DGKB: variants seen among roughly 807,000 people sequenced by gnomAD.
DGKB encodes 90 kDa diacylglycerol kinase.
DGKB carries 67 observed loss-of-function variants against 114.3 expected under a neutral mutation model. The observed-to-expected ratio is 0.59, with a 90% CI of 0.48 to 0.72. The LOEUF (loss-of-function observed/expected upper bound fraction) is 0.72, where lower values mean the gene tolerates loss of function less well. Ranked by LOEUF, DGKB falls within the 30% of genes least tolerant of loss-of-function variation. The pLI, the probability that DGKB is intolerant of heterozygous loss-of-function variation, is 0.00. For missense variants in DGKB, 907 were observed against 975.2 expected, an observed-to-expected ratio of 0.93 and a Z score of 0.93; for synonymous variants, 398 against 323.1, an observed-to-expected ratio of 1.23 and a Z score of -2.49.
chr7:14,172,010 C>T lies in DGKB; in HGVS notation c.2304+4829G>A, dbSNP rs1428887770. Among the ~76,000 whole-genome samples, 3 of 151,982 alleles carry T rather than the reference C, an allele frequency of 2.0e-5. No homozygotes were observed. The East Asian group carries it at 5.8e-4, about 29-fold the overall frequency. ...ATAAAACTGAAACACTGAGGCTGAG[C>T]TTTTAGGCTATTTGGAGAAAAAGGA... On this transcript the variant is annotated intron_variant, in intron 25 of 25. Transcript: ENST00000402815.
At chr7:14,569,637 T>TA (rs1798083592) in intron 20 of DGKB, among the ~76,000 whole-genome samples, 1 of 152,164 alleles carries the variant, frequency 6.6e-6, no homozygotes, top group South Asian at 2.1e-4. Flanking sequence ...ACCATTCTGT[T>TA]ATAATTATCC....
chr7:14,889,462 A>G (rs1487512549), intron 1 of DGKB, among the ~76,000 whole-genome samples: 1 of 151,566 alleles, frequency 6.6e-6, no homozygotes, highest in Non-Finnish European at 1.5e-5. Flanking sequence ...GACCATCTAA[A>G]CTTCCAGTGT....
At chr7:14,295,884 G>C (rs1414659119) in intron 23 of DGKB, among the ~76,000 whole-genome samples, 2 of 151,920 alleles carry the variant, frequency 1.3e-5, no homozygotes, top group Non-Finnish European at 2.9e-5. Context: ...GCCCCAGTGT[G>C]TGTGATATTC....
intron 21 of DGKB, among the ~76,000 whole-genome samples, chr7:14,346,617 T>G (rs1812525394): frequency 6.6e-6 from 1 of 151,938 alleles, no homozygotes; most frequent in Non-Finnish European, 1.5e-5. Context: ...TTCATATATG[T>G]GAGCAGATAT....
chr7:14,633,130 C>A (rs756285658), intron 13 of DGKB, among the ~76,000 whole-genome samples: 3 of 151,896 alleles, frequency 2.0e-5, no homozygotes, highest in Non-Finnish European at 2.9e-5. Flanking sequence ...CTTCCTCTTT[C>A]TCAGAGCAGC....
intron 21 of DGKB, among the ~76,000 whole-genome samples, chr7:14,398,755 G>A (rs1822635452): frequency 6.6e-6 from 1 of 151,020 alleles, no homozygotes; most frequent in Non-Finnish European, 1.5e-5. Flanking sequence ...CATCTATGAA[G>A]TAATATGAGC....
chr7:14,249,143 C>T (rs1015278139), intron 23 of DGKB, among the ~76,000 whole-genome samples: 1 of 152,136 alleles, frequency 6.6e-6, no homozygotes, highest in African/African-American at 2.4e-5. Context: ...TGGTATATCA[C>T]ACTTATTGAT....
intron 21 of DGKB, among the ~76,000 whole-genome samples, chr7:14,352,909 G>A (rs2128610633): frequency 6.6e-6 from 1 of 151,934 alleles, no homozygotes; most frequent in South Asian, 2.1e-4. Context: ...GGCAACAAGA[G>A]CGAAACTCTG....
intron 23 of DGKB, among the ~76,000 whole-genome samples, chr7:14,277,724 G>A (rs1283302836): frequency 6.6e-6 from 1 of 152,198 alleles, no homozygotes; most frequent in Non-Finnish European, 1.5e-5. Flanking sequence ...CAATGAACAT[G>A]AGGATGCAGA....
chr7:14,752,205 T>G (rs1723233), intron 4 of DGKB, among the ~76,000 whole-genome samples: 54,137 of 152,020 alleles, frequency 0.36, 13,336 homozygotes, highest in African/African-American at 0.69. Flanking sequence ...AATTATAGAT[T>G]ACAGTAAAAA....
intron 25 of DGKB, among the ~76,000 whole-genome samples, chr7:14,170,187 A>AGAAAGAG (rs1780764085): frequency 7.3e-6 from 1 of 136,908 alleles, no homozygotes; most frequent in African/African-American, 2.8e-5. Context: ...GAAAGAAAGA[A>AGAAAGAG]AGAAAGAAAG....
chr7:14,685,678 T>C (rs1212829920), intron 9 of DGKB, among the ~76,000 whole-genome samples: 6 of 152,140 alleles, frequency 3.9e-5, no homozygotes, highest in Non-Finnish European at 7.4e-5. Flanking sequence ...TTTAAATACT[T>C]TATCCTTAGC....
chr7:14,702,218 T>C (rs1825321127), intron 6 of DGKB, among the ~76,000 whole-genome samples: 1 of 152,110 alleles, frequency 6.6e-6, no homozygotes, highest in South Asian at 2.1e-4. Flanking sequence ...ACATATTAAC[T>C]GTGAAAGTTA....
At chr7:14,648,471 C>A (rs781452233) in intron 13 of DGKB, among the ~76,000 whole-genome samples, 5 of 151,024 alleles carry the variant, frequency 3.3e-5, no homozygotes, top group Admixed American at 6.7e-5. Context: ...ACAGAAAGGA[C>A]ATCCACACCA....
rs1789173841 is a variant in DGKB, at chr7:14,518,284, A to G, written c.1771-40059T>C. Among the ~76,000 whole-genome samples the G allele has an allele frequency of 2.0e-5, 3 of 152,090 alleles. No homozygotes were observed. The South Asian group carries it at 6.2e-4, about 32-fold the overall frequency. ...TCAAGTACGTATGAACACAGAGAAA[A>G]GAATAACAGACACTGGGAACTCTTT... On this transcript the variant is annotated intron_variant, in intron 20 of 25. Coordinates refer to ENST00000402815, the MANE Select transcript of DGKB (RefSeq NM_001350709.2).
intron 25 of DGKB, among the ~76,000 whole-genome samples, chr7:14,168,511 A>C (rs539250854): frequency 1.3e-5 from 2 of 152,240 alleles, no homozygotes; most frequent in Non-Finnish European, 2.9e-5. Context: ...CAGACTCATC[A>C]AAGTCCAACT....
intron 23 of DGKB, among the ~76,000 whole-genome samples, chr7:14,296,886 C>T (rs181816698): frequency 6.6e-6 from 1 of 151,426 alleles, no homozygotes; most frequent in Non-Finnish European, 1.5e-5. Context: ...CATTACTGAT[C>T]CCACAGAAAT....
intron 18 of DGKB, among the ~76,000 whole-genome samples, chr7:14,582,576 G>A (rs1800100719): frequency 6.6e-6 from 1 of 152,044 alleles, no homozygotes; most frequent in Non-Finnish European, 1.5e-5. Flanking sequence ...ATAGAGTTGT[G>A]AGGAATAAAC....
chr7:14,901,073 T>A lies in DGKB; in HGVS notation c.-188+1519A>T, dbSNP rs762526016. Among the ~76,000 whole-genome samples the A allele has an allele frequency of 5.0e-4, 76 of 152,130 alleles. 2 individuals carry two copies. The highest frequency in any genetic ancestry group is 1.3e-4 in the Non-Finnish European group (9 of 68,024). On this transcript the variant is annotated intron_variant, in intron 1 of 25. Transcript: ENST00000402815. ...ATATTTTACTCAGTGATTCACAAGG[T>A]CACATGTAGACTTTATGCACAGGGA...
Sources: allele counts gnomAD v4.1 joint callset (sites outside exome capture counted in the v4.1 genomes callset), GRCh38; gene constraint gnomAD v4.1.1; transcripts MANE v1.5; gene names NCBI Gene and HGNC (gene_info 2026-07-23, HGNC 2026-07-21).